MMP16: variants seen among roughly 807,000 people sequenced by gnomAD.
MMP16 encodes matrix metalloproteinase-16.
MMP16 carries 12 observed loss-of-function variants against 67.8 expected under a neutral mutation model. The ratio of observed to expected loss-of-function variants is 0.18; its 90% confidence interval spans 0.11 to 0.29. MMP16 has a LOEUF of 0.29. MMP16 is among the 10% of genes least tolerant of loss of function. The pLI, the probability that MMP16 is intolerant of heterozygous loss-of-function variation, is 1.00. For synonymous variants in MMP16, 249 were observed against 255.9 expected (o/e 0.97, Z 0.26); for missense variants, 475 against 765.7 (o/e 0.62, Z 4.48).
At chr8:88,197,365 G>T in intron 1 of MMP16, 59 bp from the exon 2 acceptor site, 1 of 1,398,090 alleles carries the variant, frequency 7.2e-7, no homozygotes, top group Non-Finnish European at 9.5e-7. Flanking sequence ...ATAATTTTCT[G>T]GTAATTAATG....
At chr8:88,070,093 T>G (rs1052606289) in intron 7 of MMP16, among the ~76,000 whole-genome samples, 1 of 152,150 alleles carries the variant, frequency 6.6e-6, no homozygotes, top group Admixed American at 6.6e-5. Context: ...CAATCTAAAA[T>G]ATTTTTATTT....
At chr8:88,047,877 C>T (rs531506813) in intron 8 of MMP16, among the ~76,000 whole-genome samples, 4 of 152,228 alleles carry the variant, frequency 2.6e-5, no homozygotes, top group Admixed American at 2.6e-4. Flanking sequence ...GAATGCCAGT[C>T]GGGATGTCAC....
At chr8:88,051,311 T>C (rs1808268157) in intron 8 of MMP16, among the ~76,000 whole-genome samples, 1 of 152,174 alleles carries the variant, frequency 6.6e-6, no homozygotes, top group African/African-American at 2.4e-5. Flanking sequence ...AATTAGCATA[T>C]TCAGATCGGA....
intron 1 of MMP16, among the ~76,000 whole-genome samples, chr8:88,294,423 TACACATATGTATATGTCTATATAC>T (rs1586004816): frequency 6.6e-6 from 1 of 151,326 alleles, no homozygotes; most frequent in East Asian, 1.9e-4. Context: ...TACACATATA[TACACATATGTATATGTCTATATAC>T]ACACATATGC....
At chr8:88,277,704 C>A (rs1017740129) in intron 1 of MMP16, among the ~76,000 whole-genome samples, 2 of 152,128 alleles carry the variant, frequency 1.3e-5, no homozygotes, top group African/African-American at 4.8e-5. Context: ...CTGTATTTGA[C>A]AAGGAATGAA....
intron 6 of MMP16, among the ~76,000 whole-genome samples, chr8:88,095,813 G>A (rs145071914): frequency 2.6e-5 from 4 of 151,938 alleles, no homozygotes; most frequent in East Asian, 2.0e-4. Flanking sequence ...CACTGATTAC[G>A]TAGAATGAAT....
intron 1 of MMP16, among the ~76,000 whole-genome samples, chr8:88,318,232 A>G (rs1342186504): frequency 6.6e-6 from 1 of 152,186 alleles, no homozygotes; most frequent in Non-Finnish European, 1.5e-5. Context: ...TTAATGGTAA[A>G]CTGCAATATA....
chr8:88,191,557 T>C (rs1003963535), intron 2 of MMP16, among the ~76,000 whole-genome samples: 1 of 152,052 alleles, frequency 6.6e-6, no homozygotes, highest in Non-Finnish European at 1.5e-5. Context: ...AAACAGGGAT[T>C]TTTTTTGGTA....
chr8:88,237,814 CATGGT>C (rs2129891386), intron 1 of MMP16, among the ~76,000 whole-genome samples: 1 of 152,292 alleles, frequency 6.6e-6, no homozygotes, highest in Non-Finnish European at 1.5e-5. Flanking sequence ...ACCATGGCAG[CATGGT>C]AACCTACATG....
rs375088548 is a variant in MMP16, at chr8:88,160,382, T to C, written c.709+7287A>G. Among the ~76,000 whole-genome samples the C allele has an allele frequency of 3.9e-5, 6 of 152,040 alleles. No individual in the cohort carries two copies. The East Asian group carries it at 7.7e-4, about 20-fold the overall frequency. On this transcript the variant is annotated intron_variant, in intron 4 of 9. Transcript: ENST00000286614. ...AATCCAGTCTATCATTGTTGGACATTTGGGTTGGTTCCAAGTCTTTGCTAT... is the reference window on the plus strand; with the variant it reads ...AATCCAGTCTATCATTGTTGGACATCTGGGTTGGTTCCAAGTCTTTGCTAT...
chr8:88,062,831 A>C (rs1808417439), intron 7 of MMP16, among the ~76,000 whole-genome samples: 1 of 152,042 alleles, frequency 6.6e-6, no homozygotes, highest in African/African-American at 2.4e-5. Context: ...AAGAAGAAAA[A>C]ACGTAAATGA....
chr8:88,062,929 A>C (rs1030132277), intron 7 of MMP16, among the ~76,000 whole-genome samples: 2 of 152,132 alleles, frequency 1.3e-5, no homozygotes, highest in African/African-American at 4.8e-5. Context: ...TGGTTTTTTA[A>C]CTACCCTACC....
chr8:88,096,863 C>T (rs1367774720), intron 6 of MMP16, among the ~76,000 whole-genome samples: 3 of 151,956 alleles, frequency 2.0e-5, no homozygotes, highest in Non-Finnish European at 2.9e-5. Context: ...AACACCCTAA[C>T]GTTATACATT....
intron 1 of MMP16, among the ~76,000 whole-genome samples, chr8:88,301,788 G>A (rs1405491871): frequency 2.0e-5 from 3 of 152,102 alleles, no homozygotes; most frequent in African/African-American, 7.2e-5. Context: ...CAGATATTTG[G>A]TAATATCCTA....
chr8:88,268,403 T>C (rs1021708029), intron 1 of MMP16, among the ~76,000 whole-genome samples: 6 of 152,130 alleles, frequency 3.9e-5, no homozygotes, highest in African/African-American at 1.4e-4. Context: ...TTCATTCGTC[T>C]ATTCAACAAA....
At chr8:88,059,693 G>C (rs756496982) in intron 7 of MMP16, among the ~76,000 whole-genome samples, 7 of 151,904 alleles carry the variant, frequency 4.6e-5, no homozygotes, top group Non-Finnish European at 5.9e-5. Flanking sequence ...CCCTTCTAAA[G>C]GTAATACTAT....
At chr8:88,092,858 AG>A (rs1808961236) in intron 6 of MMP16, among the ~76,000 whole-genome samples, 1 of 151,870 alleles carries the variant, frequency 6.6e-6, no homozygotes, top group Non-Finnish European at 1.5e-5. Flanking sequence ...ATGAAAGTTA[AG>A]TAAAAAGTTA....
At chr8:88,251,731 C>T (rs1274517400) in intron 1 of MMP16, among the ~76,000 whole-genome samples, 4 of 139,226 alleles carry the variant, frequency 2.9e-5, no homozygotes, top group South Asian at 2.5e-4. Context: ...AGAAAATTTT[C>T]GCAACCTACT....
At chr8:88,320,311 A>G (rs1480794515) in intron 1 of MMP16, among the ~76,000 whole-genome samples, 2 of 152,214 alleles carry the variant, frequency 1.3e-5, no homozygotes, top group African/African-American at 4.8e-5. Context: ...TTTGCTACAC[A>G]TAATCTAAAA....
Sources: allele counts gnomAD v4.1 joint callset (sites outside exome capture counted in the v4.1 genomes callset), GRCh38; gene constraint gnomAD v4.1.1; transcripts MANE v1.5; gene names NCBI Gene and HGNC (gene_info 2026-07-23, HGNC 2026-07-21).